The following ADGRD1 variants were observed in gnomAD, a reference collection of about 807,000 sequenced individuals.
The protein encoded by ADGRD1 is adhesion G protein-coupled receptor D1, also known as G-protein coupled receptor 133.
Under a neutral mutation model 113.4 loss-of-function variants are expected in ADGRD1, and 77 were observed. That is an observed-to-expected ratio of 0.68 (90% CI 0.57 to 0.82). The LOEUF (loss-of-function observed/expected upper bound fraction) is 0.82, where lower values mean the gene tolerates loss of function less well. Among genes scored for constraint, ADGRD1 ranks in the 40% least tolerant of loss-of-function variants. ADGRD1 has a pLI of 0.00. For synonymous variants in ADGRD1, 474 were observed against 475.0 expected (o/e 1.00, Z 0.03); for missense variants, 1,036 against 1,139.1 (o/e 0.91, Z 1.30).
At chr12:131,118,954 T>C (rs1240133324) in intron 19 of ADGRD1, among the ~76,000 whole-genome samples, 1 of 152,144 alleles carries the variant, frequency 6.6e-6, no homozygotes, top group African/African-American at 2.4e-5. Flanking sequence ...ATGGACCTTA[T>C]GATGTCCAGT....
rs368893109 is a variant in ADGRD1, at chr12:131,004,311, G to T, written c.1255+15G>T. 5 of 1,557,816 alleles carry T rather than the reference G, an allele frequency of 3.2e-6. No homozygotes were observed. The highest frequency in any genetic ancestry group is 4.4e-6 in the Non-Finnish European group (5 of 1,129,626). The stretch of plus-strand genomic sequence containing the variant: ...CCACAGGCACGGTGAGTGTGGCTGC[G>T]CTGGACTCCCTTCCGGGGCGGCTCC... On this transcript the variant is annotated intron_variant, in intron 11 of 24. Transcript: ENST00000261654.
At chr12:131,138,310 G>A in intron 24 of ADGRD1, 81 bp downstream of exon 24, 2 of 1,204,824 alleles carry the variant, frequency 1.7e-6, no homozygotes, top group Non-Finnish European at 1.2e-6. Context: ...GGGGTGTGCA[G>A]GCAGCAGAGG....
At chr12:131,000,827 C>G (rs968615042) in intron 9 of ADGRD1, among the ~76,000 whole-genome samples, 13 of 151,598 alleles carry the variant, frequency 8.6e-5, no homozygotes, top group African/African-American at 3.2e-4. Context: ...ACCATTTTGT[C>G]TTCCTAGAAG....
At chr12:130,995,492 T>C (rs1469696408) in intron 8 of ADGRD1, among the ~76,000 whole-genome samples, 3 of 152,220 alleles carry the variant, frequency 2.0e-5, no homozygotes, top group Non-Finnish European at 2.9e-5. Flanking sequence ...TGCAAACTCA[T>C]GTGGCTTCAG....
intron 15 of ADGRD1, among the ~76,000 whole-genome samples, chr12:131,101,316 G>C (rs755702561): frequency 7.3e-5 from 11 of 150,038 alleles, no homozygotes; most frequent in Non-Finnish European, 1.2e-4. Context: ...TCCTTTACTA[G>C]CAGTGTTTCC....
At chr12:131,095,530 C>T (rs1887217264) in intron 15 of ADGRD1, among the ~76,000 whole-genome samples, 1 of 152,192 alleles carries the variant, frequency 6.6e-6, no homozygotes, top group Non-Finnish European at 1.5e-5. Flanking sequence ...TTCGGGGCTA[C>T]CCTCAGAATT....
intron 13 of ADGRD1, among the ~76,000 whole-genome samples, chr12:131,040,449 GTTTGGTA>G (rs1566056419): frequency 1.3e-5 from 2 of 152,204 alleles, no homozygotes; most frequent in African/African-American, 4.8e-5. Flanking sequence ...AAAATCATGT[GTTTGGTA>G]CACCCTTTTA....
chr12:131,074,159 T>G (rs751264373), intron 13 of ADGRD1, among the ~76,000 whole-genome samples: 2 of 152,196 alleles, frequency 1.3e-5, no homozygotes, highest in Non-Finnish European at 2.9e-5. Context: ...AACAAGCAGT[T>G]GGTTAATCCC....
chr12:131,000,609 C>T (rs914467157), intron 9 of ADGRD1, among the ~76,000 whole-genome samples, 167 bp downstream of exon 9: 9 of 152,018 alleles, frequency 5.9e-5, no homozygotes, highest in African/African-American at 9.7e-5. Flanking sequence ...GGCGTGGTGG[C>T]GGGCACCTGT....
At chr12:131,071,816 T>C (rs1885197314) in intron 13 of ADGRD1, among the ~76,000 whole-genome samples, 1 of 151,868 alleles carries the variant, frequency 6.6e-6, no homozygotes, top group Non-Finnish European at 1.5e-5. Flanking sequence ...GCCCGGCTTC[T>C]GGTGGCTTCT....
intron 15 of ADGRD1, among the ~76,000 whole-genome samples, chr12:131,097,858 C>T (rs1887402838): frequency 6.6e-6 from 1 of 152,194 alleles, no homozygotes; most frequent in African/African-American, 2.4e-5. Context: ...GCTCTTGTGC[C>T]CGGGAGCCCA....
Position 131,136,138 on chromosome 12 carries a change from T to C in ADGRD1, c.2369T>C (p.Met790Thr), listed in dbSNP as rs779581940. 2 of 1,614,124 alleles carry C rather than the reference T, an allele frequency of 1.2e-6. No individual in the cohort carries two copies. The change falls in exon 22 of 25, where the codon ATG becomes ACG. Residue 790 changes from methionine to threonine, a missense_variant. Transcript: ENST00000261654. ...VNGCAVVFQYMFATLNSLQGL... is the reference protein window; with the variant it reads ...VNGCAVVFQYTFATLNSLQGL... Reference sequence around the variant, plus strand: ...GGTTGTGCTGTGGTTTTCCAGTACATGTTTGCCACGCTCAACTCCCTGCAG... The same window carrying C: ...GGTTGTGCTGTGGTTTTCCAGTACACGTTTGCCACGCTCAACTCCCTGCAG...
chr12:131,031,932 T>C (rs1880806084), intron 13 of ADGRD1, among the ~76,000 whole-genome samples: 1 of 152,214 alleles, frequency 6.6e-6, no homozygotes, highest in Admixed American at 6.5e-5. Context: ...CATTTGTGTC[T>C]GTTTGGTGAA....
chr12:131,140,905 C>G lies in ADGRD1; in HGVS notation c.*1642C>G, dbSNP rs1441731187. On this transcript the variant is annotated 3_prime_UTR_variant, in exon 25 of 25. Transcript: ENST00000261654. ...TGCGTATGGCCCCTGCAACCGTGCT[C>G]TGGCGGGCACACCTGGCTGCTGCAG... is the stretch of plus-strand genomic sequence containing the variant. 1 of 152,310 alleles carries G rather than the reference C, an allele frequency of 6.6e-6. No individual in the cohort carries two copies. The highest frequency in any genetic ancestry group is 1.9e-4 in the East Asian group (1 of 5,198). 9.4% of individuals were successfully genotyped at this position (152,310 alleles called of 1,614,324 possible).
At chr12:131,037,510 T>TGGGTCTTACTCACTGCACTG (rs1881633858) in intron 13 of ADGRD1, among the ~76,000 whole-genome samples, 1 of 104,200 alleles carries the variant, frequency 9.6e-6, no homozygotes. Context: ...CTCATTGCAC[T>TGGGTCTTACTCACTGCACTG]GGGTCTCACT....
At position 131,050,154 on chromosome 12, in the gene ADGRD1, C is replaced by T. The variant is rs573811860; in HGVS notation, c.1474-26647C>T. On this transcript the variant is annotated intron_variant, in intron 13 of 24. Coordinates refer to ENST00000261654, the MANE Select transcript of ADGRD1 (RefSeq NM_198827.5). This position sits in a 1 kb window ranked among gnomAD's most constrained non-coding sequence, Gnocchi z 4.8. ...CCTCCTGGGCCAGCACAAACCTCAT[C>T]GCCTCTTGGTGGCCTGTTACATAAC... 5.1e-4 allele frequency among the ~76,000 whole-genome samples: 78 copies of T among 152,282 alleles called. No individual in the cohort carries two copies. Among genetic ancestry groups the T allele is most frequent in the Admixed American group, 3.4e-3 (52 of 15,308 alleles).
At chr12:130,968,336 G>T (rs574665491) in intron 3 of ADGRD1, 1 of 152,660 alleles carries the variant, frequency 6.6e-6, no homozygotes, top group Admixed American at 6.5e-5. Context: ...TTGCAATGTG[G>T]AAGGTTTCTC....
At chr12:130,958,602 AG>A (rs1430926039) in intron 2 of ADGRD1, among the ~76,000 whole-genome samples, 4 of 152,096 alleles carry the variant, frequency 2.6e-5, no homozygotes. Context: ...AGCAGAATCT[AG>A]GGGCCTCCTT....
At chr12:130,995,747 TC>T (rs1566012028) in intron 8 of ADGRD1, among the ~76,000 whole-genome samples, 1 of 149,460 alleles carries the variant, frequency 6.7e-6, no homozygotes, top group African/African-American at 2.4e-5. Flanking sequence ...TTTTTTTTTT[TC>T]AACCTGTTTT....
Sources: gnomAD v4.1 joint callset for allele counts (sites outside exome capture counted in the v4.1 genomes callset) on GRCh38, gnomAD v4.1.1 for gene constraint, Gnocchi (gnomAD v3.1) non-coding constraint, MANE v1.5 for transcripts, NCBI Gene and HGNC (gene_info 2026-07-23, HGNC 2026-07-21) for gene names.